BPIFC: variants seen among roughly 807,000 people sequenced by gnomAD.
BPIFC encodes the protein BPI fold-containing family C protein.
In BPIFC, 60 loss-of-function variants were observed where a neutral mutation model predicts 57.6. The observed-to-expected ratio is 1.04, with a 90% confidence interval of 0.85 to 1.29. BPIFC has a LOEUF of 1.29. BPIFC is among the 50% of genes most tolerant of loss of function. The probability of loss-of-function intolerance (pLI) is 0.00; values close to 1 mark genes in which losing one functional copy is unlikely to be tolerated. For missense variants in BPIFC, 581 were observed against 600.5 expected (o/e 0.97, Z 0.34); for synonymous variants, 243 against 224.5 (o/e 1.08, Z -0.74).
At chr22:32,424,673 T>C (rs1485989740) in intron 13 of BPIFC, among the ~76,000 whole-genome samples, 41 of 91,808 alleles carry the variant, frequency 4.5e-4, no homozygotes, top group Admixed American at 8.0e-4. Context: ...TTCTTCTTCT[T>C]CTTCTTCTTC....
chr22:32,450,607 T>A (rs78140252), intron 4 of BPIFC, among the ~76,000 whole-genome samples: 19,743 of 151,986 alleles, frequency 0.13, 1,723 homozygotes, highest in Non-Finnish European at 0.19. Flanking sequence ...TTTTCTTTTT[T>A]TAAAAAAATA....
intron 15 of BPIFC, among the ~76,000 whole-genome samples, chr22:32,416,508 T>C (rs532608828): frequency 6.6e-6 from 1 of 152,382 alleles, no homozygotes; most frequent in East Asian, 1.9e-4. Flanking sequence ...AAAATGCACC[T>C]ACAATTATGT....
chr22:32,430,576 A>G (rs2142717), intron 13 of BPIFC, among the ~76,000 whole-genome samples: 5,965 of 148,310 alleles, frequency 0.04, 162 homozygotes, highest in Admixed American at 0.072. Flanking sequence ...TATTTATTAC[A>G]TATGTAATAT....
chr22:32,429,528 T>TG (rs202194458), intron 13 of BPIFC, among the ~76,000 whole-genome samples: 17,027 of 140,222 alleles, frequency 0.12, 1,573 homozygotes, highest in Non-Finnish European at 0.19. Flanking sequence ...TTTTTTTTTT[T>TG]TTTTTTTTCA....
intron 8 of BPIFC, among the ~76,000 whole-genome samples, chr22:32,440,311 AAT>A (rs1934528724): frequency 6.6e-6 from 1 of 151,782 alleles, no homozygotes; most frequent in Non-Finnish European, 1.5e-5. Flanking sequence ...ATTAAAAAAA[AAT>A]TTTTTTTATA....
rs56020393 is a variant in BPIFC, at chr22:32,428,276, CGTGTGT to C, written c.1217+3065_1217+3070del. 1.2e-4 allele frequency among the ~76,000 whole-genome samples: 17 copies of C among 146,576 alleles called. No homozygotes were observed. The South Asian group carries it at 3.4e-3, about 30-fold the overall frequency. On this transcript the variant is annotated intron_variant, in intron 13 of 16. Transcript: ENST00000300399. ...GTGTGTGTGTGTGTGTGTGCGCGCG[CGTGTGT>C]GTGTGTGTGTGTGCTTTTGGACAGG...
chr22:32,422,001 G>A (rs1569447102), intron 13 of BPIFC, among the ~76,000 whole-genome samples: 1 of 152,174 alleles, frequency 6.6e-6, no homozygotes, highest in South Asian at 2.1e-4. Flanking sequence ...CCAGGCAGGG[G>A]TTGCAAAAGC....
intron 14 of BPIFC, among the ~76,000 whole-genome samples, chr22:32,417,613 T>C (rs73170318): frequency 0.053 from 8,051 of 152,294 alleles, 245 homozygotes; most frequent in South Asian, 0.086. Context: ...TTTCTAACTT[T>C]TTCCCTCTTG....
intron 13 of BPIFC, among the ~76,000 whole-genome samples, chr22:32,423,243 C>G (rs1403391983): frequency 6.6e-6 from 1 of 152,122 alleles, no homozygotes; most frequent in African/African-American, 2.4e-5. Context: ...TTAAAGGACC[C>G]TTTTGATGAG....
chr22:32,437,829 G>A lies in BPIFC; in HGVS notation c.678C>T (p.Tyr226=). Residue 226 remains tyrosine (Y), a synonymous_variant, in exon 9 of 17, where the codon TAC becomes TAT. Coordinates refer to ENST00000300399, the MANE Select transcript of BPIFC (RefSeq NM_174932.3). The stretch of plus-strand genomic sequence containing the variant: ...TGATTAGGGAGTAATCCAGCAGAGT[G>A]TAGTTGTCAATCTTGGTTAAAACTA... ...TLEVLTKIDN[Y]TLLDYSLISS... is the part of the protein sequence containing the mutation. 2 of 1,611,156 alleles carry A rather than the reference G, an allele frequency of 1.2e-6. No individual in the cohort carries two copies. Among genetic ancestry groups the A allele is most frequent in the Non-Finnish European group, 1.7e-6 (2 of 1,177,596 alleles).
In BPIFC at chr22:32,435,844, G is replaced by T. The variant is rs746396523; in HGVS notation, c.784C>A (p.Pro262Thr). 40 of 1,614,038 alleles carry T rather than the reference G, an allele frequency of 2.5e-5. No individual in the cohort carries two copies. In the South Asian group the frequency reaches 2.9e-4, roughly 12 times the overall value. ...FYPLENLTDP[P>T]FSPVPFVLPE... is the part of the protein sequence containing the mutation. ...AGCACAAAAGGAACTGGTGAGAAGG[G>T]GGGGTCGGTGAGGTTTTCCAGTGGG... The change falls in exon 10 of 17, where the codon CCC (proline) becomes ACC (threonine). Residue 262 changes from proline to threonine, a missense_variant. Transcript: ENST00000300399.
rs1260820519 is a variant in BPIFC at position 32,432,450 on chromosome 22, G to A, written c.1072C>T (p.Leu358=). 1 of 1,614,004 alleles carries A rather than the reference G, an allele frequency of 6.2e-7. No homozygotes were observed. The highest frequency in any genetic ancestry group is 1.7e-5 in the Admixed American group (1 of 59,992). Residue 358 remains leucine (L), a synonymous_variant, in exon 12 of 17, where the codon CTG becomes TTG. Transcript: ENST00000300399. ...ATCATGATGGAGGCAGGGATGTCCA[G>A]GGTGAAATTGCCTGGTTGTAGATTG... ...IINLQPGNFT[L]DIPASIMMLT...
chr22:32,445,616 C>G lies in BPIFC; in HGVS notation c.594+19G>C. On this transcript the variant is annotated intron_variant, in intron 7 of 16. Transcript: ENST00000300399. ...ACTAATGGCATTTTACTGTGGTTGC[C>G]TAACCTCTAAAGACTCACCATTTCA... 6.4e-7 allele frequency: 1 copy of G among 1,571,198 alleles called. No individual in the cohort carries two copies. Among genetic ancestry groups the G allele is most frequent in the Non-Finnish European group, 8.6e-7 (1 of 1,161,260 alleles).
At chr22:32,423,836 C>A (rs73402917) in intron 13 of BPIFC, among the ~76,000 whole-genome samples, 2,125 of 152,014 alleles carry the variant, frequency 0.014, 48 homozygotes, top group African/African-American at 0.049. Flanking sequence ...CTGAAGTAAT[C>A]TAAAATATGT....
intron 9 of BPIFC, 39 bp downstream of exon 9, chr22:32,437,721 T>A: frequency 7.1e-7 from 1 of 1,410,996 alleles, no homozygotes. Flanking sequence ...TATTGGCTGT[T>A]GACAGCCAGG....
intron 8 of BPIFC, among the ~76,000 whole-genome samples, chr22:32,439,180 C>T (rs1287953295): frequency 6.6e-6 from 1 of 152,058 alleles, no homozygotes; most frequent in Non-Finnish European, 1.5e-5. Flanking sequence ...ACAAAATTAG[C>T]AAGGTGTGGT....
chr22:32,445,675 T>C lies in BPIFC; in HGVS notation c.554A>G (p.Glu185Gly). The change falls in exon 7 of 17, where the codon GAG becomes GGG. Residue 185 changes from glutamate to glycine, a missense_variant. By Grantham distance (98) the Glu-to-Gly change is moderately conservative. Coordinates refer to ENST00000300399, the MANE Select transcript of BPIFC (RefSeq NM_174932.3). ...ELSVLYNSFA[E>G]PMEKPILKNL... Reference sequence around the variant, plus strand: ...CTTTAAAATGGGTTTCTCCATGGGCTCAGCAAAGGAGTTATACAGAACACT... The same window carrying C: ...CTTTAAAATGGGTTTCTCCATGGGCCCAGCAAAGGAGTTATACAGAACACT... 1 of 1,329,326 alleles carries C rather than the reference T, an allele frequency of 7.5e-7. No individual in the cohort carries two copies. The highest frequency in any genetic ancestry group is 1.0e-6 in the Non-Finnish European group (1 of 970,122). The allele number at this position is 1,329,326 out of a possible 1,614,324, so 82.3% of individuals were successfully genotyped here.
At chr22:32,425,755 A>C (rs1934050471) in intron 13 of BPIFC, among the ~76,000 whole-genome samples, 1 of 152,188 alleles carries the variant, frequency 6.6e-6, no homozygotes, top group Admixed American at 6.5e-5. Flanking sequence ...TCAATAGATT[A>C]AATGAATGGT....
intron 2 of BPIFC, 51 bp from the exon 3 acceptor site, chr22:32,457,437 T>C (rs1433905051): frequency 6.4e-7 from 1 of 1,573,226 alleles, no homozygotes; most frequent in African/African-American, 1.4e-5. Flanking sequence ...ACTTTCTCTT[T>C]GGTCAATTAA....
Sources: gnomAD v4.1 joint callset for allele counts (sites outside exome capture counted in the v4.1 genomes callset) on GRCh38, gnomAD v4.1.1 for gene constraint, MANE v1.5 for transcripts, NCBI Gene and HGNC (gene_info 2026-07-23, HGNC 2026-07-21) for gene names.